IHO1: variants seen among roughly 807,000 people sequenced by gnomAD.
IHO1 encodes the protein interactor of HORMAD1 1.
Under a neutral mutation model 31.0 loss-of-function variants are expected in IHO1, and 13 were observed. The ratio of observed to expected loss-of-function variants is 0.42; its 90% CI spans 0.27 to 0.67. The LOEUF is 0.67. Ranked by LOEUF, IHO1 falls within the 30% of genes least tolerant of loss-of-function variation. IHO1 has a pLI of 0.24. For missense variants in IHO1, 599 were observed against 687.5 expected (o/e 0.87, Z 1.44); for synonymous variants, 221 against 248.4 (o/e 0.89, Z 1.04).
At chr3:49,206,351 C>T (rs994303597) in intron 1 of IHO1, among the ~76,000 whole-genome samples, 1 of 152,114 alleles carries the variant, frequency 6.6e-6, no homozygotes, top group African/African-American at 2.4e-5. Context: ...CCACCTCGGC[C>T]TCCCAAAGTT....
At chr3:49,200,476 AAAGAAAGAAAGAAAG>A (rs2046047058) in intron 1 of IHO1, 1 of 264,396 alleles carries the variant, frequency 3.8e-6, no homozygotes, top group African/African-American at 1.2e-4. Flanking sequence ...AAAAAAAAAA[AAAGAAAGAAAGAAAG>A]AAAGAAAGAA....
chr3:49,196,655 T>C (rs988226653), upstream of IHO1, among the ~76,000 whole-genome samples: 4 of 149,666 alleles, frequency 2.7e-5, no homozygotes, highest in East Asian at 8.0e-4. Flanking sequence ...GCTAATGCTT[T>C]GTATTTTTAT....
Position 49,255,398 on chromosome 3 carries a change from A to ACTATACAGG in IHO1, c.543_551dup (p.Ile182_Ala184dup). On this transcript the variant is annotated inframe_insertion, in exon 7 of 8. Transcript: ENST00000452691. ...CACTGTTTTGTATTTAGTACAAGAGACTATACAGGCCCAGAATGACCTGGT... is the reference window on the plus strand; with the variant it reads ...CACTGTTTTGTATTTAGTACAAGAGACTATACAGGCTATACAGGCCCAGAATGACCTGGT... The ACTATACAGG allele has an allele frequency of 6.3e-7, 1 of 1,599,548 alleles. No individual in the cohort carries two copies. The highest frequency in any genetic ancestry group is 8.5e-7 in the Non-Finnish European group (1 of 1,175,618).
upstream of IHO1, chr3:49,198,547 G>A (rs1051432594): frequency 2.0e-5 from 3 of 152,356 alleles, no homozygotes; most frequent in Non-Finnish European, 4.4e-5. Context: ...TTGAGACAGG[G>A]TCTCATTCTG....
chr3:49,213,073 G>A (rs1232796645), intron 2 of IHO1, among the ~76,000 whole-genome samples: 1 of 152,112 alleles, frequency 6.6e-6, no homozygotes, highest in Non-Finnish European at 1.5e-5. Context: ...TCCCCACAGA[G>A]CACTGATTGG....
At position 49,241,319 on chromosome 3, in the gene IHO1, G is replaced by T. The variant is rs367803867; in HGVS notation, c.325G>T (p.Val109Phe). 3.1e-6 allele frequency: 5 copies of T among 1,613,616 alleles called. No individual in the cohort carries two copies. The African/African-American group carries it at 6.7e-5, about 22-fold the overall frequency. The change falls in exon 4 of 8, where the codon GTT (valine) becomes TTT (phenylalanine). Residue 109 changes from valine (V) to phenylalanine (F), a missense_variant. Transcript: ENST00000452691. ...AGGTTTATTTCCTCCTCCTTTGTCA[G>T]TTGGAAAATCAAAAGGCCTCTTGGA... ...DGGLFPPPLS[V>F]GKSKGLLEQF...
At chr3:49,250,312 T>C (rs968920989) in intron 6 of IHO1, among the ~76,000 whole-genome samples, 4 of 152,172 alleles carry the variant, frequency 2.6e-5, no homozygotes, top group Non-Finnish European at 5.9e-5. Context: ...TAAATTTTTT[T>C]AAAAGAAAAA....
upstream of IHO1, among the ~76,000 whole-genome samples, chr3:49,194,106 A>G (rs2045982590): frequency 3.4e-5 from 5 of 149,228 alleles, no homozygotes; most frequent in South Asian, 6.4e-4. Context: ...CATCTCTACT[A>G]AAAATGGAAA....
At chr3:49,213,679 C>G (rs2046250830) in intron 2 of IHO1, among the ~76,000 whole-genome samples, 1 of 152,230 alleles carries the variant, frequency 6.6e-6, no homozygotes, top group Admixed American at 6.5e-5. Flanking sequence ...CAGCTGCTGG[C>G]CCAGGTGCTA....
the IHO1 span, chr3:49,191,659 C>T: frequency 5.8e-3 from 8,565 of 1,464,106 alleles, 38 homozygotes; most frequent in Non-Finnish European, 7.1e-3. Flanking sequence ...AAATGAAAAC[C>T]TTTTCACTTC....
intron 6 of IHO1, among the ~76,000 whole-genome samples, chr3:49,251,447 A>T (rs1247068655): frequency 1.2e-4 from 16 of 136,740 alleles, no homozygotes; most frequent in East Asian, 4.6e-4. Flanking sequence ...CACCATGCCC[A>T]GCTAATTTTT....
At chr3:49,237,887 C>CG (rs2046578905) in intron 3 of IHO1, among the ~76,000 whole-genome samples, 1 of 51,414 alleles carries the variant, frequency 1.9e-5, no homozygotes, top group South Asian at 1.1e-3. Context: ...CTGTCTTTTC[C>CG]TTTTTTTTTT....
At chr3:49,229,625 T>G (rs1398754553) in intron 2 of IHO1, among the ~76,000 whole-genome samples, 2 of 152,152 alleles carry the variant, frequency 1.3e-5, no homozygotes, top group Admixed American at 6.5e-5. Flanking sequence ...ACCTGTGAAA[T>G]AACTATTCAG....
chr3:49,212,374 G>A (rs2046231880), intron 2 of IHO1, among the ~76,000 whole-genome samples: 1 of 151,722 alleles, frequency 6.6e-6, no homozygotes, highest in African/African-American at 2.4e-5. Flanking sequence ...AGAGTAGCCA[G>A]GCAAGGTGGT....
intron 7 of IHO1, among the ~76,000 whole-genome samples, 173 bp downstream of exon 7, chr3:49,255,666 C>T (rs2107745799): frequency 6.6e-6 from 1 of 150,780 alleles, no homozygotes; most frequent in Admixed American, 6.7e-5. Flanking sequence ...TCTCCTGCCT[C>T]AGCCTCCTGA....
intron 6 of IHO1, among the ~76,000 whole-genome samples, chr3:49,246,245 G>GC (rs1485652808): frequency 1.5e-4 from 23 of 150,976 alleles, no homozygotes; most frequent in Non-Finnish European, 1.5e-5. Context: ...ACAAGAAGTA[G>GC]CAAGACAGAC....
At chr3:49,210,706 T>C (rs1023215798) in intron 1 of IHO1, among the ~76,000 whole-genome samples, 1 of 148,712 alleles carries the variant, frequency 6.7e-6, no homozygotes, top group Non-Finnish European at 1.5e-5. Context: ...GCTTTTTTTT[T>C]TTTTTTTTGA....
chr3:49,240,518 C>G (rs554760265), intron 3 of IHO1, among the ~76,000 whole-genome samples: 1 of 152,264 alleles, frequency 6.6e-6, no homozygotes, highest in Admixed American at 6.5e-5. Flanking sequence ...GCCACCACAC[C>G]CGACCAATTT....
At position 49,202,246 on chromosome 3, in the gene IHO1, G is replaced by A. The variant is rs1460211248; in HGVS notation, c.-16+2673G>A. 2.0e-5 allele frequency among the ~76,000 whole-genome samples: 3 copies of A among 151,532 alleles called. No homozygotes were observed. In the South Asian group the frequency reaches 6.2e-4, roughly 31 times the overall value. On this transcript the variant is annotated intron_variant, in intron 1 of 7. Transcript: ENST00000452691. The stretch of plus-strand genomic sequence containing the variant: ...TACACTATTAGAATAGTGTAATAGT[G>A]TATTAGAATGATGATGTGTTGCAGA...
Sources: gnomAD v4.1 joint callset for allele counts (sites outside exome capture counted in the v4.1 genomes callset) on GRCh38, gnomAD v4.1.1 for gene constraint, MANE v1.5 for transcripts, NCBI Gene and HGNC (gene_info 2026-07-23, HGNC 2026-07-21) for gene names.